Variants in SLC15A1 observed in about 807,000 individuals in gnomAD.
SLC15A1 encodes solute carrier family 15 member 1.
Under a neutral mutation model 92.9 loss-of-function variants are expected in SLC15A1, and 83 were observed. The ratio of observed to expected loss-of-function variants is 0.89; its 90% CI spans 0.75 to 1.07. The LOEUF (loss-of-function observed/expected upper bound fraction) is 1.07, where lower values mean the gene tolerates loss of function less well. Ranked by LOEUF, SLC15A1 falls within the 50% of genes least tolerant of loss-of-function variation. SLC15A1 has a pLI of 0.00. For missense variants in SLC15A1, 857 were observed against 880.1 expected, an observed-to-expected ratio of 0.97 and a Z score of 0.33; for synonymous variants, 322 against 318.2, an observed-to-expected ratio of 1.01 and a Z score of -0.13.
intron 1 of SLC15A1, among the ~76,000 whole-genome samples, chr13:98,744,748 CAAAAAAAAAAAA>C (rs5806073): frequency 0.051 from 4,225 of 82,586 alleles, 125 homozygotes; most frequent in Admixed American, 0.15. Context: ...GATTCCATCT[CAAAAAAAAAAAA>C]AAAAAAAAAA....
intron 12 of SLC15A1, 34 bp from the exon 13 acceptor site, chr13:98,709,808 T>C (rs778573584): frequency 6.2e-7 from 1 of 1,613,720 alleles, no homozygotes; most frequent in African/African-American, 1.3e-5. Flanking sequence ...CAGTGAAAAA[T>C]GTCATGAAAG....
In SLC15A1 at chr13:98,724,031, C is replaced by A. The variant is rs1401424230; in HGVS notation, c.246G>T (p.Lys82Asn). 1 of 1,613,772 alleles carries A rather than the reference C, an allele frequency of 6.2e-7. No homozygotes were observed. Among genetic ancestry groups the A allele is most frequent in the East Asian group, 2.2e-5 (1 of 44,870 alleles). Residue 82 changes from lysine (K) to asparagine (N), a missense_variant and splice_region_variant, in exon 5 of 23, where the codon AAG becomes AAT. Coordinates refer to ENST00000376503, the MANE Select transcript of SLC15A1 (RefSeq NM_005073.4). ...LIADSWLGKF[K>N]TIVSLSIVYT... ...AGACAATGGAGAGCGACACAATGGT[C>A]CTGTGTTTCCAAAGATTAAGAGAAT...
chr13:98,750,549 C>T (rs2088536659), intron 1 of SLC15A1, among the ~76,000 whole-genome samples: 1 of 152,122 alleles, frequency 6.6e-6, no homozygotes, highest in Non-Finnish European at 1.5e-5. Context: ...ACTTCTGCTC[C>T]TGGATTCTCA....
intron 7 of SLC15A1, 108 bp downstream of exon 7, chr13:98,721,387 G>C (rs759330517): frequency 3.8e-6 from 3 of 795,428 alleles, no homozygotes; most frequent in Non-Finnish European, 6.6e-6. Flanking sequence ...GCATGTAGCT[G>C]ACAGCTAGAA....
chr13:98,743,123 C>T (rs181452817), intron 1 of SLC15A1, among the ~76,000 whole-genome samples: 149 of 152,268 alleles, frequency 9.8e-4, no homozygotes, highest in African/African-American at 3.3e-3. Context: ...TTAGGGGCCA[C>T]CCTACCCTGG....
Position 98,684,813 on chromosome 13 carries a change from C to T in SLC15A1, c.2038G>A (p.Ala680Thr), listed in dbSNP as rs767898905. 26 of 1,613,996 alleles carry T rather than the reference C, an allele frequency of 1.6e-5. No homozygotes were observed. The African/African-American group carries it at 3.1e-4, about 19-fold the overall frequency. Reference protein sequence around the residue: ...YTYINPAEIEAQFDEDEKKNR... With the variant: ...YTYINPAEIETQFDEDEKKNR... The stretch of plus-strand genomic sequence containing the variant: ...TTCTTTTCATCCTCATCAAATTGAG[C>T]TTCGATCTCCGCTGGGTTGATGTAA... The change falls in exon 23 of 23, where the codon GCT becomes ACT. Residue 680 changes from alanine (A) to threonine (T), a missense_variant. Physicochemically the swap from Ala to Thr is moderately conservative, Grantham distance 58 (BLOSUM62 0). Transcript: ENST00000376503.
intron 1 of SLC15A1, among the ~76,000 whole-genome samples, chr13:98,743,985 T>A (rs2088471005): frequency 6.6e-6 from 1 of 152,036 alleles, no homozygotes; most frequent in Non-Finnish European, 1.5e-5. Context: ...ATATTGTATA[T>A]TGTCACAGGA....
chr13:98,713,744 G>A (rs1593993143), intron 9 of SLC15A1, among the ~76,000 whole-genome samples: 1 of 152,088 alleles, frequency 6.6e-6, no homozygotes, highest in African/African-American at 2.4e-5. Flanking sequence ...AGGCATGAGC[G>A]TGATCGAAAG....
intron 1 of SLC15A1, among the ~76,000 whole-genome samples, chr13:98,746,519 T>C (rs1246931256): frequency 1.3e-5 from 2 of 152,158 alleles, no homozygotes; most frequent in Non-Finnish European, 2.9e-5. Context: ...TGTTTTGATT[T>C]AATGGAAAAA....
At chr13:98,695,500 C>G (rs1326958452) in intron 18 of SLC15A1, among the ~76,000 whole-genome samples, 2 of 152,154 alleles carry the variant, frequency 1.3e-5, no homozygotes, top group African/African-American at 4.8e-5. Context: ...TCAAGTGATT[C>G]TCTTGCCTCA....
chr13:98,712,352 C>T (rs1022326473), intron 10 of SLC15A1, 146 bp downstream of exon 10: 1 of 627,566 alleles, frequency 1.6e-6, no homozygotes, highest in East Asian at 2.8e-5. Context: ...AAAAAATGCA[C>T]TCATGCATAG....
chr13:98,741,484 C>T (rs1424121599), intron 1 of SLC15A1, among the ~76,000 whole-genome samples: 2 of 152,050 alleles, frequency 1.3e-5, no homozygotes, highest in African/African-American at 2.4e-5. Context: ...TCCTGCAATC[C>T]CAGTACTTTG....
intron 1 of SLC15A1, among the ~76,000 whole-genome samples, chr13:98,743,985 T>C (rs2088471005): frequency 6.6e-6 from 1 of 152,036 alleles, no homozygotes; most frequent in African/African-American, 2.4e-5. Context: ...ATATTGTATA[T>C]TGTCACAGGA....
At chr13:98,713,645 C>T (rs1317334180) in intron 9 of SLC15A1, among the ~76,000 whole-genome samples, 2 of 152,118 alleles carry the variant, frequency 1.3e-5, no homozygotes, top group Non-Finnish European at 2.9e-5. Context: ...ACTAAGATTC[C>T]TTGTTAGTGT....
intron 3 of SLC15A1, 37 bp downstream of exon 3, chr13:98,726,331 T>C (rs963916231): frequency 6.2e-7 from 1 of 1,613,920 alleles, no homozygotes; most frequent in African/African-American, 1.3e-5. Context: ...CCACTCCCGC[T>C]CTTCCCTGAA....
chr13:98,692,003 G>A (rs1412367905), intron 18 of SLC15A1, among the ~76,000 whole-genome samples: 1 of 151,760 alleles, frequency 6.6e-6, no homozygotes, highest in South Asian at 2.1e-4. Flanking sequence ...AACCCAGGAG[G>A]TGGAGGTTGC....
Position 98,724,011 on chromosome 13 carries a change from A to G in SLC15A1, c.266T>C (p.Ile89Thr), listed in dbSNP as rs144863737. 8.7e-6 allele frequency: 14 copies of G among 1,613,948 alleles called. No homozygotes were observed. In the Admixed American group the frequency reaches 1.5e-4, roughly 17 times the overall value. Residue 89 changes from isoleucine to threonine, a missense_variant, in exon 5 of 23, where the codon ATT becomes ACT. By Grantham distance (89) the Ile-to-Thr change is moderately conservative. Coordinates refer to ENST00000376503, the MANE Select transcript of SLC15A1 (RefSeq NM_005073.4). ...GACTGCTTGTCCAATTGTGTAGACA[A>G]TGGAGAGCGACACAATGGTCCTGTG... ...GKFKTIVSLS[I>T]VYTIGQAVTS...
At position 98,721,834 on chromosome 13, in the gene SLC15A1, C is replaced by T. The variant is rs768537060; in HGVS notation, c.435G>A (p.Ala145=). The T allele has an allele frequency of 3.2e-5, 51 of 1,614,024 alleles. No homozygotes were observed. Among genetic ancestry groups the T allele is most frequent in the Non-Finnish European group, 4.2e-5 (49 of 1,180,038 alleles). The change falls in exon 6 of 23, where the codon GCG becomes GCA. Residue 145 remains alanine (A), a synonymous_variant. Coordinates refer to ENST00000376503, the MANE Select transcript of SLC15A1 (RefSeq NM_005073.4). ...GTGGIKPCVS[A]FGGDQFEEGQ... ...CCTCTTCAAACTGATCTCCACCAAA[C>T]GCAGACACACAGGGTTTGATTCCTC...
intron 17 of SLC15A1, among the ~76,000 whole-genome samples, chr13:98,703,880 T>A (rs565431834): frequency 2.0e-5 from 3 of 152,328 alleles, no homozygotes; most frequent in East Asian, 3.9e-4. Context: ...AGGCTTATTA[T>A]ACTTTTTCAG....
Sources: gnomAD v4.1 joint callset for allele counts (sites outside exome capture counted in the v4.1 genomes callset) on GRCh38, gnomAD v4.1.1 for gene constraint, MANE v1.5 for transcripts, NCBI Gene and HGNC (gene_info 2026-07-23, HGNC 2026-07-21) for gene names.